CNBD1: variants seen among roughly 807,000 people sequenced by gnomAD.
CNBD1 encodes the protein cyclic nucleotide-binding domain-containing protein 1.
In CNBD1, 71 loss-of-function variants were observed where a neutral mutation model predicts 54.4. The observed-to-expected ratio is 1.30, with a 90% confidence interval of 1.08 to 1.59. The LOEUF is 1.59. Among genes scored for constraint, CNBD1 ranks in the 40% most tolerant of loss-of-function variants. The pLI is 0.00. For missense variants in CNBD1, 659 were observed against 518.0 expected, an observed-to-expected ratio of 1.27 and a Z score of -2.64; for synonymous variants, 182 against 170.7, an observed-to-expected ratio of 1.07 and a Z score of -0.51.
At chr8:87,314,720 C>A (rs954490588) in intron 8 of CNBD1, among the ~76,000 whole-genome samples, 1 of 151,782 alleles carries the variant, frequency 6.6e-6, no homozygotes, top group Non-Finnish European at 1.5e-5. Flanking sequence ...TGAATATGTA[C>A]ACATTTATTT....
At chr8:87,319,740 A>G (rs1000298506) in intron 8 of CNBD1, among the ~76,000 whole-genome samples, 13 of 152,108 alleles carry the variant, frequency 8.5e-5, no homozygotes, top group Admixed American at 1.3e-4. Flanking sequence ...ATAATGCTCT[A>G]TAAGAATAAA....
chr8:87,012,593 C>G (rs1052434569), intron 4 of CNBD1, among the ~76,000 whole-genome samples: 1 of 152,136 alleles, frequency 6.6e-6, no homozygotes, highest in African/African-American at 2.4e-5. Context: ...CAACTAAGAG[C>G]CAGTCACCCT....
At chr8:87,377,693 G>C (rs1810980290) in intron 10 of CNBD1, among the ~76,000 whole-genome samples, 1 of 144,414 alleles carries the variant, frequency 6.9e-6, no homozygotes, top group Non-Finnish European at 1.5e-5. Context: ...GGGTCAAATG[G>C]TATTTCTAGT....
intron 4 of CNBD1, among the ~76,000 whole-genome samples, chr8:87,152,040 C>T (rs1812614837): frequency 6.6e-6 from 1 of 151,552 alleles, no homozygotes; most frequent in Non-Finnish European, 1.5e-5. Context: ...GAAGTTGAGG[C>T]TAGAATATAA....
intron 6 of CNBD1, among the ~76,000 whole-genome samples, chr8:87,257,157 G>T (rs1045774011): frequency 1.1e-4 from 17 of 151,898 alleles, no homozygotes; most frequent in African/African-American, 4.1e-4. Context: ...ATCACCTGAG[G>T]TCAGGAGTTT....
intron 8 of CNBD1, among the ~76,000 whole-genome samples, chr8:87,346,910 A>T (rs551992482): frequency 1.3e-5 from 2 of 152,174 alleles, no homozygotes; most frequent in Non-Finnish European, 2.9e-5. Context: ...CCCCAATATC[A>T]TGAGTGAGAA....
At chr8:87,052,740 A>T (rs997358271) in intron 4 of CNBD1, among the ~76,000 whole-genome samples, 2 of 152,182 alleles carry the variant, frequency 1.3e-5, no homozygotes, top group Non-Finnish European at 2.9e-5. Flanking sequence ...CTGTTTCTCC[A>T]CAGCAGTCAG....
chr8:87,189,895 A>G (rs919299962), intron 4 of CNBD1, among the ~76,000 whole-genome samples: 8 of 152,368 alleles, frequency 5.3e-5, no homozygotes, highest in African/African-American at 1.7e-4. Context: ...TTCAAGAAAT[A>G]CTTCAAGTAC....
At chr8:87,372,782 C>T (rs1810841056) in intron 10 of CNBD1, among the ~76,000 whole-genome samples, 1 of 151,734 alleles carries the variant, frequency 6.6e-6, no homozygotes, top group Non-Finnish European at 1.5e-5. Context: ...GGCAAATTTT[C>T]ACTAGATGTC....
intron 1 of CNBD1, 118 bp downstream of exon 1, chr8:86,866,701 A>T (rs1808370253): frequency 4.1e-6 from 3 of 733,460 alleles, no homozygotes; most frequent in Non-Finnish European, 7.1e-6. Flanking sequence ...AATCTTATTG[A>T]CAGTGCTGAA....
chr8:87,172,851 G>A (rs946841145), intron 4 of CNBD1, among the ~76,000 whole-genome samples: 10 of 151,818 alleles, frequency 6.6e-5, no homozygotes, highest in African/African-American at 7.3e-5. Context: ...TTTTATTAGC[G>A]TATATAGTTC....
chr8:87,327,746 C>G (rs1239665155), intron 8 of CNBD1, among the ~76,000 whole-genome samples: 1 of 152,152 alleles, frequency 6.6e-6, no homozygotes, highest in Non-Finnish European at 1.5e-5. Context: ...GATGGAAATG[C>G]AGAAATCACC....
chr8:86,943,582 G>A (rs1807391128), intron 4 of CNBD1, among the ~76,000 whole-genome samples: 1 of 151,958 alleles, frequency 6.6e-6, no homozygotes, highest in South Asian at 2.1e-4. Context: ...TAAAATCATG[G>A]GGGTGGTGCC....
At chr8:87,363,385 A>G (rs1469673906) in intron 10 of CNBD1, among the ~76,000 whole-genome samples, 5 of 152,158 alleles carry the variant, frequency 3.3e-5, no homozygotes, top group Admixed American at 1.3e-4. Flanking sequence ...GCTGGGTCAA[A>G]TGATATTTCT....
chr8:87,323,184 A>G (rs1276856906), intron 8 of CNBD1, among the ~76,000 whole-genome samples: 1 of 122,468 alleles, frequency 8.2e-6, no homozygotes, highest in Non-Finnish European at 1.8e-5. Context: ...TGGTACCAGT[A>G]CCATGCTGTT....
At chr8:87,136,352 A>G (rs2130732178) in intron 4 of CNBD1, among the ~76,000 whole-genome samples, 1 of 150,888 alleles carries the variant, frequency 6.6e-6, no homozygotes, top group East Asian at 2.0e-4. Context: ...TCCTTGAATA[A>G]CACATGTAAT....
At chr8:86,911,003 T>A (rs2131814571) in intron 3 of CNBD1, among the ~76,000 whole-genome samples, 1 of 152,330 alleles carries the variant, frequency 6.6e-6, no homozygotes, top group Admixed American at 6.5e-5. Context: ...TTGTGCTGTT[T>A]GCATATCCCA....
intron 8 of CNBD1, among the ~76,000 whole-genome samples, chr8:87,287,254 T>G (rs1275751993): frequency 6.6e-6 from 1 of 152,148 alleles, no homozygotes; most frequent in Non-Finnish European, 1.5e-5. Flanking sequence ...ATTGAGTCAT[T>G]TTGCATGATT....
At chr8:87,196,257 G>T (rs968384706) in intron 4 of CNBD1, among the ~76,000 whole-genome samples, 1 of 152,172 alleles carries the variant, frequency 6.6e-6, no homozygotes, top group Non-Finnish European at 1.5e-5. Flanking sequence ...AACAGAAATT[G>T]TTTGTATCAG....
Sources: allele counts gnomAD v4.1 joint callset (sites outside exome capture counted in the v4.1 genomes callset), GRCh38; gene constraint gnomAD v4.1.1; transcripts MANE v1.5; gene names NCBI Gene and HGNC (gene_info 2026-07-23, HGNC 2026-07-21).